NFATC3: variants seen among roughly 807,000 people sequenced by gnomAD.
NFATC3 encodes the protein nuclear factor of activated T-cells, cytoplasmic 3.
NFATC3 carries 46 observed loss-of-function variants against 98.6 expected under a neutral mutation model. The observed-to-expected ratio is 0.47, with a 90% CI of 0.37 to 0.60. The LOEUF (loss-of-function observed/expected upper bound fraction) is 0.60, where lower values mean the gene tolerates loss of function less well. Ranked by LOEUF, NFATC3 falls within the 20% of genes least tolerant of loss-of-function variation. The pLI, the probability that NFATC3 is intolerant of heterozygous loss-of-function variation, is 0.00. For synonymous variants in NFATC3, 512 were observed against 472.2 expected, an observed-to-expected ratio of 1.08 and a Z score of -1.09; for missense variants, 1,256 against 1,295.5, an observed-to-expected ratio of 0.97 and a Z score of 0.47.
At chr16:68,116,490 G>A (rs918781515) in intron 1 of NFATC3, among the ~76,000 whole-genome samples, 41 of 152,170 alleles carry the variant, frequency 2.7e-4, no homozygotes, top group African/African-American at 8.9e-4. Context: ...AATTTCTGAA[G>A]CACCTTGAAT....
chr16:68,090,666 A>G (rs1194869478), intron 1 of NFATC3, among the ~76,000 whole-genome samples: 1 of 152,172 alleles, frequency 6.6e-6, no homozygotes, highest in Non-Finnish European at 1.5e-5. Context: ...ACAATGTGAA[A>G]GTTGGTTGAT....
At chr16:68,092,481 G>C (rs950523167) in intron 1 of NFATC3, among the ~76,000 whole-genome samples, 1 of 148,174 alleles carries the variant, frequency 6.7e-6, no homozygotes, top group Non-Finnish European at 1.5e-5. Flanking sequence ...TAAATAAAAG[G>C]CTGGGCACGG....
chr16:68,096,611 A>G (rs896997655), intron 1 of NFATC3, among the ~76,000 whole-genome samples: 1 of 152,208 alleles, frequency 6.6e-6, no homozygotes, highest in Admixed American at 6.5e-5. Context: ...AGAGGTACGG[A>G]GAAGGGCCTC....
chr16:68,175,246 G>A (rs746061589), intron 6 of NFATC3, among the ~76,000 whole-genome samples: 1 of 152,188 alleles, frequency 6.6e-6, no homozygotes, highest in Non-Finnish European at 1.5e-5. Context: ...GTAGATTAGT[G>A]CTTACCAGTG....
chr16:68,149,058 G>A (rs1598445767), intron 3 of NFATC3, among the ~76,000 whole-genome samples: 1 of 152,146 alleles, frequency 6.6e-6, no homozygotes, highest in East Asian at 1.9e-4. Flanking sequence ...TTTCTTTCCT[G>A]TGTGGTACAG....
intron 9 of NFATC3, among the ~76,000 whole-genome samples, chr16:68,207,317 A>T (rs1407851471): frequency 6.6e-6 from 1 of 152,186 alleles, no homozygotes; most frequent in East Asian, 1.9e-4. Flanking sequence ...TCTCAAAAAA[A>T]AAAAAAAGAT....
At chr16:68,206,650 T>C (rs1056137345) in intron 9 of NFATC3, among the ~76,000 whole-genome samples, 3 of 152,148 alleles carry the variant, frequency 2.0e-5, no homozygotes, top group Admixed American at 1.3e-4. Flanking sequence ...ATTCAATTTT[T>C]TGTGTACACC....
At chr16:68,091,377 T>C (rs192200262) in intron 1 of NFATC3, among the ~76,000 whole-genome samples, 1 of 152,316 alleles carries the variant, frequency 6.6e-6, no homozygotes, top group East Asian at 1.9e-4. Context: ...GTTGTATTTG[T>C]TTTTATTGAA....
rs780852093 is a variant in NFATC3 at position 68,157,912 on chromosome 16, T to C, written c.1445T>C (p.Ile482Thr). 1 of 1,613,870 alleles carries C rather than the reference T, an allele frequency of 6.2e-7. No homozygotes were observed. Among genetic ancestry groups the C allele is most frequent in the Non-Finnish European group, 8.5e-7 (1 of 1,179,900 alleles). ...NEKPINLQMF[I>T]GTADDRYLRP... is the part of the protein sequence containing the mutation. ...AAGCCAATAAATCTACAAATGTTTATTGGGACAGCAGATGATCGATATTTA... is the reference window on the plus strand; with the variant it reads ...AAGCCAATAAATCTACAAATGTTTACTGGGACAGCAGATGATCGATATTTA... Residue 482 changes from isoleucine (I) to threonine (T), a missense_variant, in exon 4 of 10, where the codon ATT becomes ACT. By Grantham distance (89) the Ile-to-Thr change is moderately conservative. Coordinates refer to ENST00000346183, the MANE Select transcript of NFATC3 (RefSeq NM_173165.3).
At chr16:68,187,531 A>C (rs748214803) in intron 8 of NFATC3, among the ~76,000 whole-genome samples, 1 of 152,132 alleles carries the variant, frequency 6.6e-6, no homozygotes, top group African/African-American at 2.4e-5. Context: ...AGACCCACAG[A>C]GGGTAGCTCC....
intron 9 of NFATC3, among the ~76,000 whole-genome samples, chr16:68,197,199 C>G (rs1296139191): frequency 6.6e-6 from 1 of 152,122 alleles, no homozygotes; most frequent in Non-Finnish European, 1.5e-5. Flanking sequence ...CCACCTTGGC[C>G]TCTCAAAGTT....
rs1227258060 is a variant in NFATC3 at position 68,228,465 on chromosome 16, G to C, written c.*1994G>C. 6.6e-6 allele frequency: 1 copy of C among 152,436 alleles called. No individual in the cohort carries two copies. The highest frequency in any genetic ancestry group is 2.4e-5 in the African/African-American group (1 of 41,412). The allele number at this position is 152,436 out of a possible 1,614,324, so 9.4% of individuals were successfully genotyped here. On this transcript the variant is annotated 3_prime_UTR_variant, in exon 10 of 10. Coordinates refer to ENST00000346183, the MANE Select transcript of NFATC3 (RefSeq NM_173165.3). ...CTTGCAATACCCTTTGTGCCCTCAA[G>C]AATTAAAAGCCTCTATGATCCAGAG...
chr16:68,175,602 T>C (rs1233478541), intron 6 of NFATC3, among the ~76,000 whole-genome samples: 1 of 152,116 alleles, frequency 6.6e-6, no homozygotes, highest in African/African-American at 2.4e-5. Flanking sequence ...TTCTGTTGGC[T>C]AGGCTGGAGT....
At chr16:68,154,874 G>A (rs1199275484) in intron 3 of NFATC3, among the ~76,000 whole-genome samples, 1 of 152,160 alleles carries the variant, frequency 6.6e-6, no homozygotes, top group Non-Finnish European at 1.5e-5. Context: ...AATGTGGAGG[G>A]AAGCCATTAG....
intron 3 of NFATC3, among the ~76,000 whole-genome samples, chr16:68,136,628 A>G (rs923669522): frequency 3.3e-5 from 5 of 152,312 alleles, no homozygotes; most frequent in South Asian, 4.1e-4. Context: ...AAGTACAGTC[A>G]TATGTCACTT....
intron 9 of NFATC3, among the ~76,000 whole-genome samples, chr16:68,194,263 G>A (rs1245616219): frequency 2.0e-5 from 3 of 152,054 alleles, no homozygotes; most frequent in African/African-American, 7.2e-5. Context: ...TCTACTAAAC[G>A]GAATCCCTCA....
intron 1 of NFATC3, among the ~76,000 whole-genome samples, chr16:68,102,050 A>T (rs1479105674): frequency 6.6e-6 from 1 of 152,042 alleles, no homozygotes; most frequent in Non-Finnish European, 1.5e-5. Context: ...TGATGGTAAT[A>T]GGAGGTAAAT....
intron 1 of NFATC3, among the ~76,000 whole-genome samples, chr16:68,117,113 G>C (rs2036319980): frequency 6.6e-6 from 1 of 152,090 alleles, no homozygotes; most frequent in Non-Finnish European, 1.5e-5. Flanking sequence ...TCTGAACAAG[G>C]GGCCAAGGAA....
chr16:68,115,017 G>A (rs992211954), intron 1 of NFATC3, among the ~76,000 whole-genome samples: 2 of 151,688 alleles, frequency 1.3e-5, no homozygotes, highest in Admixed American at 1.3e-4. Context: ...TATTTCCGTG[G>A]TTTCTCCGGT....
Sources: gnomAD v4.1 joint callset for allele counts (sites outside exome capture counted in the v4.1 genomes callset) on GRCh38, gnomAD v4.1.1 for gene constraint, MANE v1.5 for transcripts, NCBI Gene and HGNC (gene_info 2026-07-23, HGNC 2026-07-21) for gene names.